DNAH1: variants seen among roughly 807,000 people sequenced by gnomAD.
The protein encoded by DNAH1 is dynein axonemal heavy chain 1.
DNAH1 carries 327 observed loss-of-function variants against 484.3 expected under a neutral mutation model. That is an observed-to-expected ratio of 0.68 (90% CI 0.62 to 0.74). DNAH1 has a LOEUF of 0.74. Among genes scored for constraint, DNAH1 ranks in the 30% least tolerant of loss-of-function variants. DNAH1 has a pLI of 0.00. For missense variants in DNAH1, 5,052 were observed against 5,546.8 expected (o/e 0.91, Z 2.83); for synonymous variants, 2,192 against 2,191.9 (o/e 1.00, Z 0.00).
At position 52,395,625 on chromosome 3, in the gene DNAH1, C is replaced by T. The variant is rs762191587; in HGVS notation, c.11206C>T (p.Pro3736Ser). The part of the protein sequence containing the change: ...WVFFQNCHLA[P>S]SWMPALERLI... Reference sequence around the variant, plus strand: ...CTTCTTCCAGAACTGCCACCTGGCACCAAGCTGGATGCCAGCCCTAGAACG... The same window carrying T: ...CTTCTTCCAGAACTGCCACCTGGCATCAAGCTGGATGCCAGCCCTAGAACG... The change falls in exon 70 of 78, where the codon CCA (proline) becomes TCA (serine). Residue 3736 changes from proline to serine, a missense_variant. Physicochemically the swap from Pro to Ser is moderately conservative, Grantham distance 74 (BLOSUM62 -1). Transcript: ENST00000420323. This position sits in a 1 kb window ranked among gnomAD's most constrained non-coding sequence, Gnocchi z 4.4. 6.2e-7 allele frequency: 1 copy of T among 1,613,892 alleles called. No individual in the cohort carries two copies. Among genetic ancestry groups the T allele is most frequent in the Non-Finnish European group, 8.5e-7 (1 of 1,179,892 alleles).
Position 52,383,614 on chromosome 3 carries a change from G to A in DNAH1, c.8150+20G>A. On this transcript the variant is annotated intron_variant, in intron 51 of 77. Transcript: ENST00000420323. ...CATGAGGTACAGGCAGCTGTCGCCA[G>A]GCTGCGCTGGGGCAGCGGAGCTGGG... 1.3e-6 allele frequency: 2 copies of A among 1,544,850 alleles called. No individual in the cohort carries two copies. The highest frequency in any genetic ancestry group is 2.4e-5 in the South Asian group (2 of 84,102).
intron 2 of DNAH1, 142 bp from the exon 3 acceptor site, chr3:52,323,666 C>A: frequency 1.7e-6 from 1 of 598,960 alleles, no homozygotes; most frequent in Non-Finnish European, 3.0e-6. Context: ...ATTGTGCATA[C>A]TCACTGGTTC....
In DNAH1 at chr3:52,392,563, C is replaced by T; in HGVS notation, c.10152C>T (p.Arg3384=). The change falls in exon 64 of 78, where the codon CGC becomes CGT. Residue 3384 remains arginine (R), a synonymous_variant. Coordinates refer to ENST00000420323, the MANE Select transcript of DNAH1 (RefSeq NM_015512.5). The part of the protein sequence containing the change: ...NQLIISNAKM[R]QELKDIEDQI... ...TGATTATCAGTAATGCCAAGATGCG[C>T]CAGGAGCTGAAGGACATTGAGGACC... is the stretch of plus-strand genomic sequence containing the variant. The T allele has an allele frequency of 1.2e-6, 2 of 1,613,998 alleles. No individual in the cohort carries two copies. Among genetic ancestry groups the T allele is most frequent in the Non-Finnish European group, 1.7e-6 (2 of 1,179,888 alleles).
rs754363707 is a variant in DNAH1, at chr3:52,358,770, C to A, written c.4266+33C>A. ...GCCCGCAGCCCGTGCAGCCTTCCAC[C>A]CCTGCACCCCTCTGCTCCCTCTCAG... On this transcript the variant is annotated intron_variant, in intron 25 of 77. Coordinates refer to ENST00000420323, the MANE Select transcript of DNAH1 (RefSeq NM_015512.5). This position sits in a 1 kb window ranked among gnomAD's most constrained non-coding sequence, Gnocchi z 4.2. The A allele has an allele frequency of 2.5e-6, 4 of 1,608,896 alleles. No homozygotes were observed. Among genetic ancestry groups the A allele is most frequent in the Non-Finnish European group, 3.4e-6 (4 of 1,178,382 alleles).
rs2153224788 is a variant in DNAH1, at chr3:52,372,288, A to G, written c.6728A>G (p.Lys2243Arg). 6.2e-7 allele frequency: 1 copy of G among 1,614,008 alleles called. No homozygotes were observed. The highest frequency in any genetic ancestry group is 1.7e-5 in the Admixed American group (1 of 60,022). Reference sequence around the variant, plus strand: ...CTCACCATCTCTGACAAGCTCCTCAAGAACCTGGCACTGGATTACATCAGC... The same window carrying G: ...CTCACCATCTCTGACAAGCTCCTCAGGAACCTGGCACTGGATTACATCAGC... Reference protein sequence around the residue: ...KTLTISDKLLKNLALDYISHF... With the variant: ...KTLTISDKLLRNLALDYISHF... Residue 2243 changes from lysine to arginine, a missense_variant, in exon 43 of 78, where the codon AAG (lysine) becomes AGG (arginine). By Grantham distance (26) the Lys-to-Arg change is conservative (BLOSUM62 2). Coordinates refer to ENST00000420323, the MANE Select transcript of DNAH1 (RefSeq NM_015512.5).
Position 52,350,109 on chromosome 3 carries a change from G to T in DNAH1, c.2646+1G>T, listed in dbSNP as rs1702311635. The T allele has an allele frequency of 6.2e-7, 1 of 1,610,562 alleles. No individual in the cohort carries two copies. Among genetic ancestry groups the T allele is most frequent in the Non-Finnish European group, 8.5e-7 (1 of 1,179,108 alleles). ...CCCGGAGAGGCTGGTGGGCCTGGAGGTGAGGCAGGCACACGGGCACTGGGG... is the reference window on the plus strand; with the variant it reads ...CCCGGAGAGGCTGGTGGGCCTGGAGTTGAGGCAGGCACACGGGCACTGGGG... On this transcript the variant is annotated splice_donor_variant, in intron 15 of 77. Coordinates refer to ENST00000420323, the MANE Select transcript of DNAH1 (RefSeq NM_015512.5). LOFTEE classifies it high-confidence loss of function.
At chr3:52,367,842 G>A (rs1425633680) in intron 36 of DNAH1, among the ~76,000 whole-genome samples, 5 of 152,234 alleles carry the variant, frequency 3.3e-5, no homozygotes, top group Non-Finnish European at 7.3e-5. Flanking sequence ...CAAAGTGCTG[G>A]GATTACAGGC....
Position 52,388,180 on chromosome 3 carries a change from A to AT in DNAH1, c.9018dup (p.Val3007CysfsTer12). The AT allele has an allele frequency of 1.2e-6, 2 of 1,609,434 alleles. No homozygotes were observed. Among genetic ancestry groups the AT allele is most frequent in the Non-Finnish European group, 8.5e-7 (1 of 1,178,086 alleles). On this transcript the variant is annotated frameshift_variant, in exon 57 of 78. Transcript: ENST00000420323. LOFTEE classifies it high-confidence loss of function. ...TTCCCACCTCAGGACAACATTGGGGATGTGGTGATCAAAGCCATCCAGCCG... is the reference window on the plus strand; with the variant it reads ...TTCCCACCTCAGGACAACATTGGGGATTGTGGTGATCAAAGCCATCCAGCCG...
At chr3:52,320,874 C>T (rs995738863) in intron 1 of DNAH1, among the ~76,000 whole-genome samples, 4 of 147,002 alleles carry the variant, frequency 2.7e-5, no homozygotes, top group Non-Finnish European at 6.0e-5. Context: ...GATCTTGGCT[C>T]CTTGCAACCT....
At position 52,331,311 on chromosome 3, in the gene DNAH1, T is replaced by C. The variant is rs1381146189; in HGVS notation, c.1033+2T>C. On this transcript the variant is annotated splice_donor_variant, in intron 7 of 77. Coordinates refer to ENST00000420323, the MANE Select transcript of DNAH1 (RefSeq NM_015512.5). LOFTEE classifies it high-confidence loss of function. ...TGAATGCAGGGGTCACCACTGAAGG[T>C]ATGAGGTCCTGCCGCTGCCCCAGGC... is the stretch of plus-strand genomic sequence containing the variant. 4 of 1,601,850 alleles carry C rather than the reference T, an allele frequency of 2.5e-6. No individual in the cohort carries two copies. Among genetic ancestry groups the C allele is most frequent in the Non-Finnish European group, 3.4e-6 (4 of 1,174,748 alleles).
rs1014396876 is a variant in DNAH1, at chr3:52,364,360, G to T, written c.5245-278G>T. On this transcript the variant is annotated intron_variant, in intron 32 of 77. Transcript: ENST00000420323. This position sits in a 1 kb window ranked among gnomAD's most constrained non-coding sequence, Gnocchi z 4.2. Reference sequence around the variant, plus strand: ...TCCAGCACAACTAGAGGGCCCTCCTGCCCCTGGCCATGTGCTGGGACAGTG... The same window carrying T: ...TCCAGCACAACTAGAGGGCCCTCCTTCCCCTGGCCATGTGCTGGGACAGTG... Among the ~76,000 whole-genome samples, 21 of 152,232 alleles carry T rather than the reference G, an allele frequency of 1.4e-4. No homozygotes were observed. The highest frequency in any genetic ancestry group is 2.1e-4 in the Non-Finnish European group (14 of 68,038).
chr3:52,376,138 C>T (rs894895342), intron 46 of DNAH1, 145 bp downstream of exon 46: 78 of 978,382 alleles, frequency 8.0e-5, no homozygotes, highest in Non-Finnish European at 1.1e-4. Flanking sequence ...GGTGCCAGAG[C>T]GAAGGTTGAC....
At chr3:52,357,286 T>C (rs1178364345) in intron 22 of DNAH1, among the ~76,000 whole-genome samples, 2 of 152,172 alleles carry the variant, frequency 1.3e-5, no homozygotes, top group Non-Finnish European at 2.9e-5. Context: ...ACTCCTGACC[T>C]CAGGTGATCT....
chr3:52,342,150 C>T (rs895033713), intron 8 of DNAH1, among the ~76,000 whole-genome samples: 8 of 152,160 alleles, frequency 5.3e-5, no homozygotes, highest in African/African-American at 1.9e-4. Context: ...AGCAGCAGTG[C>T]AGAGGCTGAG....
rs373143052 is a variant in DNAH1, at chr3:52,372,888, C to A, written c.6828-8C>A. 21 of 1,609,208 alleles carry A rather than the reference C, an allele frequency of 1.3e-5. No individual in the cohort carries two copies. Among genetic ancestry groups the A allele is most frequent in the Non-Finnish European group, 1.8e-5 (21 of 1,177,020 alleles). ...TGGGTGCTGGGCTCACACAGCCCCT[C>A]CCCTCAGGCGGAAGGGTGTGTTTGG... is the stretch of plus-strand genomic sequence containing the variant. On this transcript the variant is annotated splice_region_variant and splice_polypyrimidine_tract_variant and intron_variant, in intron 43 of 77. Coordinates refer to ENST00000420323, the MANE Select transcript of DNAH1 (RefSeq NM_015512.5).
rs375189671 is a variant in DNAH1 at position 52,353,450 on chromosome 3, G to A, written c.3297G>A (p.Gln1099=). Reference sequence around the variant, plus strand: ...TCAAACCATACATCCCACTGATCCAGGGGCTGCGCAACCCTGGCATGCGGA... The same window carrying A: ...TCAAACCATACATCCCACTGATCCAAGGGCTGCGCAACCCTGGCATGCGGA... ...EEFKPYIPLI[Q]GLRNPGMRIR... Residue 1099 remains glutamine (Q), a synonymous_variant, in exon 20 of 78, where the codon CAG becomes CAA. Coordinates refer to ENST00000420323, the MANE Select transcript of DNAH1 (RefSeq NM_015512.5). This position sits in a 1 kb window ranked among gnomAD's most constrained non-coding sequence, Gnocchi z 5.0. 12 of 1,613,952 alleles carry A rather than the reference G, an allele frequency of 7.4e-6. No homozygotes were observed. The highest frequency in any genetic ancestry group is 1.0e-5 in the Non-Finnish European group (12 of 1,179,910).
chr3:52,394,735 G>C lies in DNAH1; in HGVS notation c.10823+74G>C, dbSNP rs188149971. On this transcript the variant is annotated intron_variant, in intron 67 of 77. Transcript: ENST00000420323. The stretch of plus-strand genomic sequence containing the variant: ...GTCCCTAGGAAAGGCTTGTCTGGGC[G>C]CCTTCTCTAAGGGGCCACCCAGGGT... 3.3e-6 allele frequency: 5 copies of C among 1,504,362 alleles called. No individual in the cohort carries two copies. The Admixed American group carries it at 6.6e-5, about 20-fold the overall frequency. The allele number at this position is 1,504,362 out of a possible 1,614,324, so 93.2% of individuals were successfully genotyped here.
intron 2 of DNAH1, 72 bp from the exon 3 acceptor site, chr3:52,323,736 C>A: frequency 7.6e-7 from 1 of 1,309,538 alleles, no homozygotes; most frequent in Non-Finnish European, 1.1e-6. Context: ...CGCCTGGGCT[C>A]GGGGTCCCTC....
intron 64 of DNAH1, 23 bp downstream of exon 64, chr3:52,392,712 A>AC: frequency 8.0e-7 from 1 of 1,246,432 alleles, no homozygotes; most frequent in Admixed American, 2.6e-5. Flanking sequence ...CTGCCCACCC[A>AC]CCTGCCCCGG....
Sources: allele counts gnomAD v4.1 joint callset (sites outside exome capture counted in the v4.1 genomes callset), GRCh38; gene constraint gnomAD v4.1.1; non-coding constraint Gnocchi (gnomAD v3.1); transcripts MANE v1.5; gene names NCBI Gene and HGNC (gene_info 2026-07-23, HGNC 2026-07-21).